SASS6: variants seen among roughly 807,000 people sequenced by gnomAD.
SASS6 encodes the protein SAS-6 centriolar assembly protein.
In SASS6, 59 loss-of-function variants were observed where a neutral mutation model predicts 94.9. The observed-to-expected ratio is 0.62, with a 90% CI of 0.50 to 0.77. The LOEUF (loss-of-function observed/expected upper bound fraction) is 0.77, where lower values mean the gene tolerates loss of function less well. Among genes scored for constraint, SASS6 ranks in the 30% least tolerant of loss-of-function variants. The probability of loss-of-function intolerance (pLI) is 0.00; values close to 1 mark genes in which losing one functional copy is unlikely to be tolerated. For synonymous variants in SASS6, 264 were observed against 270.0 expected (o/e 0.98, Z 0.22); for missense variants, 698 against 734.1 (o/e 0.95, Z 0.57).
chr1:100,083,618 A>G lies in SASS6; in HGVS notation c.*1710T>C, dbSNP rs1472060642. On this transcript the variant is annotated 3_prime_UTR_variant, in exon 17 of 17. Coordinates refer to ENST00000287482, the MANE Select transcript of SASS6 (RefSeq NM_194292.3). Reference sequence around the variant, plus strand: ...AACAAAGCTCAAAGTTTACAGAAATAACATTAAATGCAACACTTTTTGATT... The same window carrying G: ...AACAAAGCTCAAAGTTTACAGAAATGACATTAAATGCAACACTTTTTGATT... 1 of 152,094 alleles carries G rather than the reference A, an allele frequency of 6.6e-6. No individual in the cohort carries two copies. Among genetic ancestry groups the G allele is most frequent in the Non-Finnish European group, 1.5e-5 (1 of 67,940 alleles). 9.4% of individuals were successfully genotyped at this position (152,094 alleles called of 1,614,324 possible).
At chr1:100,097,595 C>A (rs572893399) in intron 14 of SASS6, among the ~76,000 whole-genome samples, 9 of 152,158 alleles carry the variant, frequency 5.9e-5, no homozygotes, top group African/African-American at 2.2e-4. Context: ...GAGGCTGAGG[C>A]AGGCAGATAC....
chr1:100,086,665 C>T, intron 15 of SASS6, among the ~76,000 whole-genome samples: 1 of 151,678 alleles, frequency 6.6e-6, no homozygotes, highest in Non-Finnish European at 1.5e-5. Flanking sequence ...CATGTACCAC[C>T]ATGTCTGGCT....
In SASS6 at chr1:100,122,370, T is replaced by A. The variant is rs1464836829; in HGVS notation, c.311+10A>T. On this transcript the variant is annotated intron_variant, in intron 4 of 16. Coordinates refer to ENST00000287482, the MANE Select transcript of SASS6 (RefSeq NM_194292.3). The stretch of plus-strand genomic sequence containing the variant: ...TAAATTTAATAATGTAGCATTCTCA[T>A]GCAACTTACCTTGGAATTTCTTTGG... 8.3e-7 allele frequency: 1 copy of A among 1,211,518 alleles called. No individual in the cohort carries two copies. Among genetic ancestry groups the A allele is most frequent in the Admixed American group, 2.0e-5 (1 of 51,110 alleles). 75.0% of individuals were successfully genotyped at this position (1,211,518 alleles called of 1,614,324 possible).
At chr1:100,116,865 G>A (rs1328039795) in intron 7 of SASS6, among the ~76,000 whole-genome samples, 2 of 152,076 alleles carry the variant, frequency 1.3e-5, no homozygotes, top group Non-Finnish European at 2.9e-5. Flanking sequence ...GCCATACAAG[G>A]GAACCTAGAG....
intron 4 of SASS6, among the ~76,000 whole-genome samples, chr1:100,122,145 C>G (rs1654240604): frequency 6.6e-6 from 1 of 152,178 alleles, no homozygotes; most frequent in African/African-American, 2.4e-5. Flanking sequence ...ATATTTGATG[C>G]TGCTAAATAT....
At chr1:100,127,154 T>TA (rs1002547982) in intron 1 of SASS6, among the ~76,000 whole-genome samples, 3 of 152,180 alleles carry the variant, frequency 2.0e-5, no homozygotes, top group Admixed American at 6.5e-5. Context: ...GAGAAATTAG[T>TA]AAAAAATACC....
At chr1:100,091,512 CAGA>C (rs1651682908) in intron 14 of SASS6, among the ~76,000 whole-genome samples, 1 of 150,488 alleles carries the variant, frequency 6.6e-6, no homozygotes, top group Non-Finnish European at 1.5e-5. Flanking sequence ...AAAGTTAAAC[CAGA>C]AGAAGTCAAC....
chr1:100,100,033 A>G (rs1008039770), intron 14 of SASS6, among the ~76,000 whole-genome samples: 2 of 152,186 alleles, frequency 1.3e-5, no homozygotes, highest in Non-Finnish European at 2.9e-5. Context: ...TGGGAGGCCG[A>G]GGCAGGTGGA....
Position 100,088,857 on chromosome 1 carries a change from C to T in SASS6, c.1675-621G>A, listed in dbSNP as rs1321210354. Among the ~76,000 whole-genome samples, 4 of 150,552 alleles carry T rather than the reference C, an allele frequency of 2.7e-5. No individual in the cohort carries two copies. The East Asian group carries it at 7.8e-4, about 29-fold the overall frequency. On this transcript the variant is annotated intron_variant, in intron 14 of 16. Transcript: ENST00000287482. Reference sequence around the variant, plus strand: ...CTATAAAAAAAAAAAAAAAGCCTGCCATGCTTTAAAGAAATATAAAATCCA... The same window carrying T: ...CTATAAAAAAAAAAAAAAAGCCTGCTATGCTTTAAAGAAATATAAAATCCA...
intron 8 of SASS6, among the ~76,000 whole-genome samples, chr1:100,109,988 A>T (rs531970902): frequency 6.6e-6 from 1 of 152,104 alleles, no homozygotes; most frequent in Admixed American, 6.5e-5. Flanking sequence ...AGCCCTGTCA[A>T]CACAGTACCC....
At chr1:100,113,548 G>A (rs1277731420) in intron 7 of SASS6, among the ~76,000 whole-genome samples, 1 of 151,556 alleles carries the variant, frequency 6.6e-6, no homozygotes, top group African/African-American at 2.4e-5. Flanking sequence ...GTGAACCCGG[G>A]AGGCAGAGCT....
intron 7 of SASS6, 28 bp downstream of exon 7, chr1:100,118,990 T>C (rs1370508651): frequency 1.4e-6 from 2 of 1,467,704 alleles, no homozygotes; most frequent in African/African-American, 1.4e-5. Flanking sequence ...ATAAAAGATA[T>C]TTTTTCAGTT....
chr1:100,123,238 G>T lies in SASS6; in HGVS notation c.178C>A (p.Leu60Ile). 6.6e-7 allele frequency: 1 copy of T among 1,512,984 alleles called. No homozygotes were observed. Among genetic ancestry groups the T allele is most frequent in the Non-Finnish European group, 9.1e-7 (1 of 1,098,374 alleles). The allele number at this position is 1,512,984 out of a possible 1,614,324, so 93.7% of individuals were successfully genotyped here. A position where few individuals can be genotyped will look rare whatever the true frequency, so the allele number is the denominator to read the frequency against. ...TGAAAATCTTCCTCAGATATAACAAGGTTATATAAAAAAAATGGATCCGTG... is the reference window on the plus strand; with the variant it reads ...TGAAAATCTTCCTCAGATATAACAATGTTATATAAAAAAAATGGATCCGTG... ...DDTDPFFLYN[L>I]VISEEDFQSL... The change falls in exon 3 of 17, where the codon CTT (leucine) becomes ATT (isoleucine). Residue 60 changes from leucine to isoleucine, a missense_variant. Coordinates refer to ENST00000287482, the MANE Select transcript of SASS6 (RefSeq NM_194292.3).
intron 2 of SASS6, among the ~76,000 whole-genome samples, chr1:100,125,476 C>T (rs1474093367): frequency 1.3e-5 from 2 of 151,262 alleles, no homozygotes; most frequent in South Asian, 2.1e-4. Flanking sequence ...GTCAAGAGAT[C>T]GAGACCATCC....
At chr1:100,106,218 AG>A (rs1390601725) in intron 12 of SASS6, among the ~76,000 whole-genome samples, 1 of 152,208 alleles carries the variant, frequency 6.6e-6, no homozygotes, top group African/African-American at 2.4e-5. Flanking sequence ...TATGATACCC[AG>A]TAGTATAAAC....
chr1:100,114,265 C>T (rs1206689863), intron 7 of SASS6, among the ~76,000 whole-genome samples: 3 of 152,066 alleles, frequency 2.0e-5, no homozygotes, highest in Admixed American at 2.0e-4. Flanking sequence ...TGAAAAATGT[C>T]CTTATTCATC....
At chr1:100,086,120 A>ATCT (rs1201381810) in intron 15 of SASS6, among the ~76,000 whole-genome samples, 10 of 141,494 alleles carry the variant, frequency 7.1e-5, no homozygotes, top group Non-Finnish European at 1.4e-4. Context: ...CTGGGGGAGA[A>ATCT]AGAAGGGCAT....
At chr1:100,115,623 T>C (rs2101676654) in intron 7 of SASS6, among the ~76,000 whole-genome samples, 1 of 151,694 alleles carries the variant, frequency 6.6e-6, no homozygotes, top group Non-Finnish European at 1.5e-5. Context: ...AGGCCAGGAG[T>C]TCAAGACCAG....
chr1:100,101,067 TAACTC>T (rs1265188683), intron 14 of SASS6, among the ~76,000 whole-genome samples: 1 of 152,194 alleles, frequency 6.6e-6, no homozygotes, highest in Non-Finnish European at 1.5e-5. Context: ...TTAATTCACT[TAACTC>T]AATAATCCAG....
Sources: gnomAD v4.1 joint callset for allele counts (sites outside exome capture counted in the v4.1 genomes callset) on GRCh38, gnomAD v4.1.1 for gene constraint, MANE v1.5 for transcripts, NCBI Gene and HGNC (gene_info 2026-07-23, HGNC 2026-07-21) for gene names.